The following LRRC4C variants were observed in gnomAD, a reference collection of about 807,000 sequenced individuals.
The protein encoded by LRRC4C is leucine-rich repeat-containing protein 4C.
Under a neutral mutation model 33.6 loss-of-function variants are expected in LRRC4C, and 5 were observed. The observed-to-expected ratio is 0.15, with a 90% confidence interval of 0.08 to 0.31. The LOEUF (loss-of-function observed/expected upper bound fraction) is 0.31, where lower values mean the gene tolerates loss of function less well. Ranked by LOEUF, LRRC4C falls within the 10% of genes least tolerant of loss-of-function variation. LRRC4C has a pLI of 1.00. For missense variants in LRRC4C, 560 were observed against 796.7 expected (o/e 0.70, Z 3.58); for synonymous variants, 329 against 302.0 (o/e 1.09, Z -0.93).
chr11:40,760,566 T>C (rs922591126), intron 2 of LRRC4C, among the ~76,000 whole-genome samples: 9 of 151,888 alleles, frequency 5.9e-5, no homozygotes, highest in Non-Finnish European at 1.0e-4. Context: ...GTTAGTTACT[T>C]TTGGATCATT....
intron 4 of LRRC4C, among the ~76,000 whole-genome samples, chr11:40,284,138 G>T (rs1238991396): frequency 6.6e-6 from 1 of 152,188 alleles, no homozygotes; most frequent in African/African-American, 2.4e-5. Flanking sequence ...GGGCTTAGGG[G>T]AGCTGGGAAA....
intron 2 of LRRC4C, among the ~76,000 whole-genome samples, chr11:40,839,919 A>G (rs1415619847): frequency 6.6e-6 from 1 of 152,218 alleles, no homozygotes; most frequent in Admixed American, 6.5e-5. Flanking sequence ...TGACTCTTAT[A>G]TAATTGATGG....
At chr11:41,268,800 T>G (rs1252420861) in intron 1 of LRRC4C, among the ~76,000 whole-genome samples, 1 of 151,904 alleles carries the variant, frequency 6.6e-6, no homozygotes, top group Non-Finnish European at 1.5e-5. Context: ...TAAACAGATC[T>G]CTCTGTACTT....
At chr11:40,255,026 G>A (rs958733526) in intron 4 of LRRC4C, among the ~76,000 whole-genome samples, 4 of 152,008 alleles carry the variant, frequency 2.6e-5, no homozygotes, top group Non-Finnish European at 5.9e-5. Context: ...TGCCCAGGCT[G>A]GCCTCAAACT....
chr11:41,129,219 G>T (rs571719857), intron 1 of LRRC4C, among the ~76,000 whole-genome samples: 2 of 152,006 alleles, frequency 1.3e-5, no homozygotes, highest in African/African-American at 4.8e-5. Flanking sequence ...GTTCTTAAGT[G>T]TTATTTAAAA....
chr11:40,811,132 A>T (rs1478749364), intron 2 of LRRC4C, among the ~76,000 whole-genome samples: 1 of 152,128 alleles, frequency 6.6e-6, no homozygotes, highest in African/African-American at 2.4e-5. Flanking sequence ...CATCTGGAAG[A>T]TATTTCTCAA....
chr11:40,911,247 C>A (rs182281040), intron 2 of LRRC4C, among the ~76,000 whole-genome samples: 70 of 152,312 alleles, frequency 4.6e-4, no homozygotes, highest in African/African-American at 1.6e-3. Flanking sequence ...CAGACTGCGT[C>A]CTCAAGAGGG....
chr11:41,072,809 A>G (rs1476937155), intron 1 of LRRC4C, among the ~76,000 whole-genome samples: 1 of 152,146 alleles, frequency 6.6e-6, no homozygotes, highest in Non-Finnish European at 1.5e-5. Flanking sequence ...TTTTCTTTAT[A>G]TCCCATTCTA....
At chr11:40,913,256 A>C (rs1363930574) in intron 2 of LRRC4C, among the ~76,000 whole-genome samples, 1 of 152,188 alleles carries the variant, frequency 6.6e-6, no homozygotes, top group Non-Finnish European at 1.5e-5. Context: ...TATTTTCAGC[A>C]CCACACCACA....
chr11:40,894,317 A>T (rs1190882674), intron 2 of LRRC4C, among the ~76,000 whole-genome samples: 2 of 152,134 alleles, frequency 1.3e-5, no homozygotes, highest in African/African-American at 4.8e-5. Context: ...AGATTCATGA[A>T]TTTTTATAAA....
chr11:40,864,716 G>A (rs967743656), intron 2 of LRRC4C, among the ~76,000 whole-genome samples: 1 of 152,154 alleles, frequency 6.6e-6, no homozygotes, highest in African/African-American at 2.4e-5. Context: ...ATTCTAAGAA[G>A]AAGCTAATAA....
At chr11:40,490,127 T>G (rs1260593736) in intron 3 of LRRC4C, among the ~76,000 whole-genome samples, 1 of 152,176 alleles carries the variant, frequency 6.6e-6, no homozygotes, top group Admixed American at 6.6e-5. Context: ...TAAATAAAAT[T>G]TATAATAAAT....
chr11:41,389,721 C>T (rs1953514543), intron 1 of LRRC4C, among the ~76,000 whole-genome samples: 1 of 147,526 alleles, frequency 6.8e-6, no homozygotes, highest in African/African-American at 2.5e-5. Context: ...GAAGTAATAT[C>T]TGGACCAGAC....
At chr11:41,227,384 A>G (rs1030358541) in intron 1 of LRRC4C, among the ~76,000 whole-genome samples, 1 of 152,158 alleles carries the variant, frequency 6.6e-6, no homozygotes, top group African/African-American at 2.4e-5. Context: ...TCTGATACCA[A>G]TGTATATTTT....
At chr11:41,419,531 A>G (rs1483568691) in intron 1 of LRRC4C, among the ~76,000 whole-genome samples, 1 of 151,962 alleles carries the variant, frequency 6.6e-6, no homozygotes, top group Admixed American at 6.6e-5. Flanking sequence ...AAGTAGAAAT[A>G]TATGGGGAAA....
chr11:41,254,521 C>G (rs1004894802), intron 1 of LRRC4C, among the ~76,000 whole-genome samples: 12 of 151,984 alleles, frequency 7.9e-5, no homozygotes, highest in Admixed American at 2.6e-4. Flanking sequence ...ACCCCCAAAT[C>G]AGAATTGCTC....
chr11:41,256,529 T>C (rs1402241757), intron 1 of LRRC4C, among the ~76,000 whole-genome samples: 1 of 151,964 alleles, frequency 6.6e-6, no homozygotes, highest in Non-Finnish European at 1.5e-5. Context: ...AAAAGGAAAG[T>C]GGTTACAGCA....
intron 1 of LRRC4C, among the ~76,000 whole-genome samples, chr11:41,155,246 G>A (rs1261953664): frequency 6.6e-6 from 1 of 152,092 alleles, no homozygotes. Flanking sequence ...TTCTTCAGGA[G>A]CAGTCATAGC....
intron 1 of LRRC4C, among the ~76,000 whole-genome samples, chr11:41,176,382 C>A (rs1344345999): frequency 6.6e-6 from 1 of 152,084 alleles, no homozygotes; most frequent in Non-Finnish European, 1.5e-5. Flanking sequence ...AAACAGATTC[C>A]TTTCTCCTAT....
Sources: allele counts gnomAD v4.1 joint callset (sites outside exome capture counted in the v4.1 genomes callset), GRCh38; gene constraint gnomAD v4.1.1; transcripts MANE v1.5; gene names NCBI Gene and HGNC (gene_info 2026-07-23, HGNC 2026-07-21).